Variants in ANKRD45 observed in about 807,000 individuals in gnomAD.
ANKRD45 encodes ankyrin repeat domain 45.
Under a neutral mutation model 28.1 loss-of-function variants are expected in ANKRD45, and 21 were observed. The ratio of observed to expected loss-of-function variants is 0.75; its 90% CI spans 0.53 to 1.08. The LOEUF (loss-of-function observed/expected upper bound fraction) is 1.08, where lower values mean the gene tolerates loss of function less well. Among genes scored for constraint, ANKRD45 ranks in the 50% least tolerant of loss-of-function variants. The pLI, the probability that ANKRD45 is intolerant of heterozygous loss-of-function variation, is 0.00. For missense variants in ANKRD45, 261 were observed against 308.7 expected (o/e 0.85, Z 1.16); for synonymous variants, 86 against 103.9 (o/e 0.83, Z 1.05).
chr1:173,664,687 T>C (rs898540441), intron 1 of ANKRD45, among the ~76,000 whole-genome samples: 4 of 152,224 alleles, frequency 2.6e-5, no homozygotes. Context: ...TGATATTATA[T>C]TATTTCCTAA....
At chr1:173,679,513 G>T in the ANKRD45 span, among the ~76,000 whole-genome samples, 1 of 152,156 alleles carries the variant, frequency 6.6e-6, no homozygotes, top group African/African-American at 2.4e-5. Flanking sequence ...GCTGAAACTG[G>T]ATCCCTTCCT....
At position 173,659,402 on chromosome 1, in the gene ANKRD45, G is replaced by A; in HGVS notation, c.17C>T (p.Pro6Leu). The change falls in exon 2 of 6, where the codon CCT (proline) becomes CTT (leucine). Residue 6 changes from proline (P) to leucine (L), a missense_variant. Pro to Leu is a moderately conservative substitution (Grantham distance 98). Transcript: ENST00000333279. ...AAATTCTGAACTCTCTGACTCTGGA[G>A]GTCCTTCTGACTCCATTAACTCCAA... is the stretch of plus-strand genomic sequence containing the variant. MESEG[P>L]PESESSEFFS... The A allele has an allele frequency of 6.4e-7, 1 of 1,569,490 alleles. No individual in the cohort carries two copies. The highest frequency in any genetic ancestry group is 8.6e-7 in the Non-Finnish European group (1 of 1,161,898).
intron 3 of ANKRD45, chr1:173,635,829 A>G (rs1246533563): frequency 6.5e-7 from 1 of 1,529,742 alleles, no homozygotes; most frequent in South Asian, 1.2e-5. Context: ...AAGAAATGGA[A>G]GAAACACCAA....
intron 3 of ANKRD45, among the ~76,000 whole-genome samples, chr1:173,634,524 C>A (rs1448710043): frequency 6.6e-6 from 1 of 151,858 alleles, no homozygotes; most frequent in Non-Finnish European, 1.5e-5. Context: ...ATCTTAGATA[C>A]CCTCTCTACA....
chr1:173,691,465 A>C, the ANKRD45 span, among the ~76,000 whole-genome samples: 11,462 of 152,200 alleles, frequency 0.075, 1,433 homozygotes, highest in African/African-American at 0.26. Flanking sequence ...ATAAAATTTT[A>C]TTTTTAACTC....
chr1:173,642,154 A>G (rs966328956), intron 3 of ANKRD45, among the ~76,000 whole-genome samples: 9 of 152,220 alleles, frequency 5.9e-5, no homozygotes, highest in African/African-American at 2.2e-4. Flanking sequence ...ATTCTGGATT[A>G]GATGATCCTT....
chr1:173,672,880 A>G (rs1057400405), upstream of ANKRD45, among the ~76,000 whole-genome samples: 1 of 152,164 alleles, frequency 6.6e-6, no homozygotes, highest in African/African-American at 2.4e-5. Flanking sequence ...CATCTCAGCA[A>G]TAACCTGTGG....
chr1:173,641,001 T>C (rs1368255481), intron 3 of ANKRD45, among the ~76,000 whole-genome samples: 1 of 152,210 alleles, frequency 6.6e-6, no homozygotes, highest in Non-Finnish European at 1.5e-5. Context: ...TGGGGATTGA[T>C]GTAAATGGGA....
At chr1:173,628,875 G>T (rs2102330244) in intron 3 of ANKRD45, among the ~76,000 whole-genome samples, 1 of 152,226 alleles carries the variant, frequency 6.6e-6, no homozygotes, top group South Asian at 2.1e-4. Flanking sequence ...CAGTCCTAGT[G>T]GTGGTGGCCA....
intron 2 of ANKRD45, among the ~76,000 whole-genome samples, chr1:173,649,224 C>A (rs1370717970): frequency 6.6e-6 from 1 of 151,992 alleles, no homozygotes; most frequent in East Asian, 1.9e-4. Context: ...GAGAGTTTCC[C>A]AAAGACATAT....
At chr1:173,628,720 C>T (rs757063776) in intron 3 of ANKRD45, among the ~76,000 whole-genome samples, 24 of 152,258 alleles carry the variant, frequency 1.6e-4, no homozygotes, top group South Asian at 4.1e-4. Flanking sequence ...GTTGCCTTTA[C>T]GGAAGGACGC....
At chr1:173,629,211 C>T (rs1054940235) in intron 3 of ANKRD45, among the ~76,000 whole-genome samples, 1 of 152,194 alleles carries the variant, frequency 6.6e-6, no homozygotes, top group Non-Finnish European at 1.5e-5. Context: ...GCAATACCTA[C>T]AATAAATACC....
chr1:173,666,865 A>G (rs1181682131), intron 1 of ANKRD45, among the ~76,000 whole-genome samples: 1 of 152,044 alleles, frequency 6.6e-6, no homozygotes, highest in Admixed American at 6.5e-5. Flanking sequence ...AATCCTCCCA[A>G]CTCAGCCTTC....
intron 4 of ANKRD45, among the ~76,000 whole-genome samples, chr1:173,626,543 T>C (rs968562299): frequency 1.3e-5 from 2 of 152,188 alleles, no homozygotes; most frequent in African/African-American, 2.4e-5. Context: ...ATTTCCATTG[T>C]ATTATTTTGG....
At chr1:173,634,080 G>A (rs1303721008) in intron 3 of ANKRD45, among the ~76,000 whole-genome samples, 1 of 151,840 alleles carries the variant, frequency 6.6e-6, no homozygotes, top group African/African-American at 2.4e-5. Flanking sequence ...CTACTCATAT[G>A]ACAAGGGATT....
At chr1:173,618,023 C>T (rs1667540648) in intron 5 of ANKRD45, among the ~76,000 whole-genome samples, 1 of 152,146 alleles carries the variant, frequency 6.6e-6, no homozygotes, top group Admixed American at 6.5e-5. Flanking sequence ...GAGCCATCCC[C>T]CAGCAAACTG....
chr1:173,659,461 A>T (rs767099107), intron 1 of ANKRD45, 28 bp from the exon 2 acceptor site: 6 of 1,490,152 alleles, frequency 4.0e-6, no homozygotes, highest in Middle Eastern at 1.8e-4. Context: ...AAAAAGTGAT[A>T]AAAATCTACT....
upstream of ANKRD45, among the ~76,000 whole-genome samples, chr1:173,672,436 T>A (rs1014976111): frequency 6.6e-6 from 1 of 152,236 alleles, no homozygotes; most frequent in African/African-American, 2.4e-5. Context: ...TGACTTATGA[T>A]GCATAACTGT....
At chr1:173,617,060 A>G (rs1667494471) in intron 5 of ANKRD45, among the ~76,000 whole-genome samples, 1 of 152,006 alleles carries the variant, frequency 6.6e-6, no homozygotes, top group African/African-American at 2.4e-5. Flanking sequence ...TTTGCAACCC[A>G]CCGATCACGA....
Sources: gnomAD v4.1 joint callset for allele counts (sites outside exome capture counted in the v4.1 genomes callset) on GRCh38, gnomAD v4.1.1 for gene constraint, MANE v1.5 for transcripts, NCBI Gene and HGNC (gene_info 2026-07-23, HGNC 2026-07-21) for gene names.